Variants in AVL9 observed in about 807,000 individuals in gnomAD.
AVL9 encodes the protein late secretory pathway protein AVL9 homolog.
A neutral mutation model predicts 79.2 loss-of-function variants in AVL9; 49 were observed. That is an observed-to-expected ratio of 0.62 (90% CI 0.49 to 0.79). The LOEUF is 0.79. Among genes scored for constraint, AVL9 ranks in the 30% least tolerant of loss-of-function variants. The pLI is 0.00. For synonymous variants in AVL9, 299 were observed against 280.6 expected (o/e 1.07, Z -0.65); for missense variants, 682 against 776.8 (o/e 0.88, Z 1.45).
Position 32,586,472 on chromosome 7 carries a change from C to CCCCCA in AVL9, c.*2566_*2567insCCCAC, listed in dbSNP as rs34422070. ...CCCCTGGTCCTGTGACCCCCCCCCC[C>CCCCCA]CACACACACACATACTTCAGGCTTG... On this transcript the variant is annotated 3_prime_UTR_variant, in exon 16 of 16. Coordinates refer to ENST00000318709, the MANE Select transcript of AVL9 (RefSeq NM_015060.3). 7.0e-5 allele frequency: 10 copies of CCCCCA among 143,062 alleles called. No individual in the cohort carries two copies. The highest frequency in any genetic ancestry group is 6.6e-4 in the South Asian group (3 of 4,546). The allele number at this position is 143,062 out of a possible 1,614,324, so 8.9% of individuals were successfully genotyped here.
chr7:32,543,512 A>G (rs1482960135), intron 2 of AVL9, among the ~76,000 whole-genome samples: 1 of 152,254 alleles, frequency 6.6e-6, no homozygotes, highest in African/African-American at 2.4e-5. Context: ...CAGGACAGCC[A>G]CCACTGGAAG....
intron 1 of AVL9, among the ~76,000 whole-genome samples, chr7:32,524,172 A>G (rs1788299839): frequency 6.6e-6 from 1 of 152,044 alleles, no homozygotes; most frequent in African/African-American, 2.4e-5. Flanking sequence ...GAGATGTTTA[A>G]ACAGACTTTA....
At chr7:32,572,675 G>A (rs978602448) in intron 11 of AVL9, among the ~76,000 whole-genome samples, 39 of 150,594 alleles carry the variant, frequency 2.6e-4, no homozygotes, top group African/African-American at 9.6e-4. Context: ...GGTGGTGGGC[G>A]CCTGTAGTCC....
intron 6 of AVL9, among the ~76,000 whole-genome samples, chr7:32,553,300 C>T (rs775958182): frequency 6.6e-6 from 1 of 152,162 alleles, no homozygotes; most frequent in Non-Finnish European, 1.5e-5. Flanking sequence ...ATAATATAAG[C>T]TATATCATTT....
chr7:32,513,965 G>A (rs924748669), intron 1 of AVL9, among the ~76,000 whole-genome samples: 2 of 152,182 alleles, frequency 1.3e-5, no homozygotes, highest in Middle Eastern at 3.2e-3. Context: ...AAACATTTCA[G>A]TGCAGTAAAA....
At chr7:32,567,998 G>T (rs1019455811) in intron 10 of AVL9, among the ~76,000 whole-genome samples, 1 of 151,916 alleles carries the variant, frequency 6.6e-6, no homozygotes, top group Admixed American at 6.6e-5. Context: ...GGGATTACAG[G>T]TGTGAGCCAT....
intron 1 of AVL9, among the ~76,000 whole-genome samples, chr7:32,502,393 A>AG (rs1491331795): frequency 6.8e-4 from 12 of 17,636 alleles, no homozygotes; most frequent in Non-Finnish European, 1.1e-3. Flanking sequence ...ACCCTTTCTC[A>AG]AAAAAAAAAA....
intron 3 of AVL9, among the ~76,000 whole-genome samples, 189 bp downstream of exon 3, chr7:32,544,968 G>C (rs1789408508): frequency 6.6e-6 from 1 of 152,092 alleles, no homozygotes; most frequent in African/African-American, 2.4e-5. Flanking sequence ...TGGTGGCTAT[G>C]CTTATATTTG....
intron 10 of AVL9, among the ~76,000 whole-genome samples, chr7:32,566,202 G>A (rs1479120072): frequency 2.4e-4 from 2 of 8,332 alleles, no homozygotes; most frequent in East Asian, 6.9e-3. Flanking sequence ...TGGAGACAAG[G>A]TCTCACCACT....
At chr7:32,552,740 T>G (rs915362672) in intron 6 of AVL9, among the ~76,000 whole-genome samples, 1 of 152,018 alleles carries the variant, frequency 6.6e-6, no homozygotes, top group African/African-American at 2.4e-5. Context: ...GTTTTGGGTT[T>G]TTTTTGTAGA....
intron 1 of AVL9, among the ~76,000 whole-genome samples, chr7:32,511,035 G>C (rs1250201660): frequency 7.3e-6 from 1 of 136,784 alleles, no homozygotes; most frequent in African/African-American, 2.7e-5. Flanking sequence ...GGTAAGATTT[G>C]TGAGCCGTCA....
Position 32,584,193 on chromosome 7 carries a change from T to C in AVL9, c.*286T>C. The C allele has an allele frequency of 5.1e-6, 2 of 388,580 alleles. No individual in the cohort carries two copies. Among genetic ancestry groups the C allele is most frequent in the Non-Finnish European group, 9.6e-6 (2 of 207,790 alleles). 24.1% of individuals were successfully genotyped at this position (388,580 alleles called of 1,614,324 possible). Reference sequence around the variant, plus strand: ...TAATGAATTTTGAGTTCTGATATTGTACATTGGTTTACTTTAGAAGAGTTT... The same window carrying C: ...TAATGAATTTTGAGTTCTGATATTGCACATTGGTTTACTTTAGAAGAGTTT... On this transcript the variant is annotated 3_prime_UTR_variant, in exon 16 of 16. Transcript: ENST00000318709.
At chr7:32,525,061 A>G (rs1410933662) in intron 1 of AVL9, among the ~76,000 whole-genome samples, 1 of 152,170 alleles carries the variant, frequency 6.6e-6, no homozygotes, top group South Asian at 2.1e-4. Context: ...ACAGTGCCTG[A>G]TGGTTCTCAT....
intron 1 of AVL9, among the ~76,000 whole-genome samples, chr7:32,525,227 T>C (rs1267923867): frequency 6.6e-6 from 1 of 152,248 alleles, no homozygotes; most frequent in African/African-American, 2.4e-5. Context: ...CAAAATTACA[T>C]TTCTGAGTTC....
At chr7:32,581,080 T>TAC (rs397736980) in intron 15 of AVL9, 190 bp downstream of exon 15, 3 of 575,744 alleles carry the variant, frequency 5.2e-6, no homozygotes, top group Non-Finnish European at 9.1e-6. Flanking sequence ...AACTCCATTA[T>TAC]CTAATAGAGA....
In AVL9 at chr7:32,560,497, G is replaced by A. The variant is rs539578962; in HGVS notation, c.1215+1033G>A. On this transcript the variant is annotated intron_variant, in intron 10 of 15. Coordinates refer to ENST00000318709, the MANE Select transcript of AVL9 (RefSeq NM_015060.3). ...TCCTCATCCGTTCAAGTTTTTATCA[G>A]TAGTTTGCAGCAATTCAGTCACATT... Among the ~76,000 whole-genome samples the A allele has an allele frequency of 2.0e-5, 3 of 152,194 alleles. No individual in the cohort carries two copies. In the East Asian group the frequency reaches 5.8e-4, roughly 29 times the overall value.
chr7:32,498,822 T>A lies in AVL9; in HGVS notation c.93+3020T>A, dbSNP rs375025892. Reference sequence around the variant, plus strand: ...TACTGAATTGTTTAAAATTTAATATTTAACAAGGGATAATAATTAACAAGG... The same window carrying A: ...TACTGAATTGTTTAAAATTTAATATATAACAAGGGATAATAATTAACAAGG... On this transcript the variant is annotated intron_variant, in intron 1 of 15. Transcript: ENST00000318709. Among the ~76,000 whole-genome samples, 16 of 151,796 alleles carry A rather than the reference T, an allele frequency of 1.1e-4. No homozygotes were observed. In the South Asian group the frequency reaches 3.3e-3, roughly 32 times the overall value.
intron 10 of AVL9, among the ~76,000 whole-genome samples, chr7:32,565,735 C>T (rs1790535321): frequency 6.6e-6 from 1 of 150,616 alleles, no homozygotes; most frequent in Non-Finnish European, 1.5e-5. Context: ...GAGCCAGGTG[C>T]GACGGCTCAT....
chr7:32,573,858 A>G (rs537022839), intron 12 of AVL9, among the ~76,000 whole-genome samples: 1 of 152,298 alleles, frequency 6.6e-6, no homozygotes, highest in South Asian at 2.1e-4. Context: ...AATCATTGAA[A>G]ATCGTGTTGT....
Sources: gnomAD v4.1 joint callset for allele counts (sites outside exome capture counted in the v4.1 genomes callset) on GRCh38, gnomAD v4.1.1 for gene constraint, MANE v1.5 for transcripts, NCBI Gene and HGNC (gene_info 2026-07-23, HGNC 2026-07-21) for gene names.